The following ZFAND3 variants were observed in gnomAD, a reference collection of about 807,000 sequenced individuals.
ZFAND3 encodes zinc finger AN1-type containing 3.
Under a neutral mutation model 29.6 loss-of-function variants are expected in ZFAND3, and 10 were observed. The ratio of observed to expected loss-of-function variants is 0.34; its 90% confidence interval spans 0.21 to 0.57. ZFAND3 has a LOEUF of 0.57. Ranked by LOEUF, ZFAND3 falls within the 20% of genes least tolerant of loss-of-function variation. The probability of loss-of-function intolerance (pLI) is 0.86; values close to 1 mark genes in which losing one functional copy is unlikely to be tolerated. For missense variants in ZFAND3, 230 were observed against 304.5 expected (o/e 0.76, Z 1.82); for synonymous variants, 128 against 112.6 (o/e 1.14, Z -0.87).
chr6:37,893,187 C>A (rs6918802), intron 1 of ZFAND3, among the ~76,000 whole-genome samples: 19,788 of 152,070 alleles, frequency 0.13, 2,096 homozygotes, highest in African/African-American at 0.3. Flanking sequence ...ATGCCAAAAT[C>A]CTTAACAAAA....
intron 3 of ZFAND3, among the ~76,000 whole-genome samples, chr6:38,081,171 T>A (rs74668997): frequency 1.3e-5 from 2 of 152,102 alleles, no homozygotes; most frequent in East Asian, 1.9e-4. Flanking sequence ...TTTTTTTTTT[T>A]AAAGAAAGAT....
At chr6:38,085,081 G>C (rs1332620342) in intron 4 of ZFAND3, among the ~76,000 whole-genome samples, 1 of 152,128 alleles carries the variant, frequency 6.6e-6, no homozygotes, top group African/African-American at 2.4e-5. Flanking sequence ...GGTTGCCCAT[G>C]GTGGGGATTT....
At chr6:37,950,071 C>T (rs993780692) in intron 2 of ZFAND3, among the ~76,000 whole-genome samples, 2 of 152,180 alleles carry the variant, frequency 1.3e-5, no homozygotes, top group East Asian at 1.9e-4. Flanking sequence ...TTCTCCCATT[C>T]TGTAGGTTGT....
chr6:37,958,224 TGGGCAGA>T, intron 2 of ZFAND3, among the ~76,000 whole-genome samples: 1 of 152,272 alleles, frequency 6.6e-6, no homozygotes, highest in South Asian at 2.1e-4. Flanking sequence ...GAGACCAAGG[TGGGCAGA>T]TCACCTGAGG....
intron 5 of ZFAND3, among the ~76,000 whole-genome samples, chr6:38,144,217 TAATATATA>T (rs1562016140): frequency 4.1e-5 from 4 of 98,320 alleles, no homozygotes; most frequent in East Asian, 3.3e-4. Flanking sequence ...ATATAATATA[TAATATATA>T]TATATATTTT....
chr6:37,896,997 CATG>C (rs531083027), intron 1 of ZFAND3, among the ~76,000 whole-genome samples: 1 of 151,880 alleles, frequency 6.6e-6, no homozygotes, highest in Non-Finnish European at 1.5e-5. Flanking sequence ...AATTTATTAA[CATG>C]ATATTGTTGA....
intron 2 of ZFAND3, among the ~76,000 whole-genome samples, chr6:37,992,759 AG>A (rs2127436146): frequency 6.6e-6 from 1 of 152,298 alleles, no homozygotes; most frequent in South Asian, 2.1e-4. Flanking sequence ...ATTAGGTTTA[AG>A]TGTTTTATTA....
intron 1 of ZFAND3, among the ~76,000 whole-genome samples, chr6:37,878,201 G>C (rs1428757277): frequency 6.6e-6 from 1 of 152,230 alleles, no homozygotes; most frequent in Non-Finnish European, 1.5e-5. Flanking sequence ...TCTCCACACA[G>C]TCATTAGCTC....
chr6:38,078,257 G>T (rs1764591740), intron 3 of ZFAND3, among the ~76,000 whole-genome samples: 1 of 152,120 alleles, frequency 6.6e-6, no homozygotes, highest in South Asian at 2.1e-4. Flanking sequence ...TTTAATACAA[G>T]AATAGAAACA....
chr6:38,135,198 C>CT (rs1436529697), intron 5 of ZFAND3, among the ~76,000 whole-genome samples: 6 of 152,152 alleles, frequency 3.9e-5, no homozygotes, highest in African/African-American at 1.4e-4. Context: ...AGGTGACACT[C>CT]TTAACTGTTG....
chr6:38,144,184 AATAT>A lies in ZFAND3; in HGVS notation c.530-8027_530-8024del, dbSNP rs1554183921. ...CTAGAAAAATGTGATATATATATAT[AATAT>A]ATATATATATATATATATATATAAT... On this transcript the variant is annotated intron_variant, in intron 5 of 5. Coordinates refer to ENST00000287218, the MANE Select transcript of ZFAND3 (RefSeq NM_021943.3). Among the ~76,000 whole-genome samples the A allele has an allele frequency of 1.8e-3, 75 of 42,544 alleles. 4 individuals are homozygous for A. The highest frequency in any genetic ancestry group is 3.0e-3 in the South Asian group (6 of 1,994). The allele number at this position is 42,544 out of a possible 152,430, so 27.9% of individuals were successfully genotyped here. A position where few individuals can be genotyped will look rare whatever the true frequency, so the allele number is the denominator to read the frequency against.
chr6:37,833,434 C>T (rs979526625), intron 1 of ZFAND3, among the ~76,000 whole-genome samples: 2 of 152,054 alleles, frequency 1.3e-5, no homozygotes, highest in African/African-American at 4.8e-5. Context: ...AGATTACTTA[C>T]AATTTTTTTC....
At chr6:37,912,988 A>G (rs1765550006) in intron 1 of ZFAND3, among the ~76,000 whole-genome samples, 1 of 152,172 alleles carries the variant, frequency 6.6e-6, no homozygotes, top group Non-Finnish European at 1.5e-5. Flanking sequence ...GTATAATAGC[A>G]TTATGTCTAA....
intron 5 of ZFAND3, among the ~76,000 whole-genome samples, chr6:38,145,517 A>G (rs539725037): frequency 6.6e-6 from 1 of 151,756 alleles, no homozygotes; most frequent in African/African-American, 2.4e-5. Context: ...CTGTGTAGAC[A>G]GAGGTAAGCT....
intron 2 of ZFAND3, among the ~76,000 whole-genome samples, chr6:38,042,315 T>C (rs904539774): frequency 4.0e-4 from 2 of 5,010 alleles, no homozygotes; most frequent in Non-Finnish European, 2.6e-3. Context: ...TGAGCTTGCT[T>C]TTTTTTTTTT....
chr6:38,149,656 T>C (rs1300133099), intron 5 of ZFAND3, among the ~76,000 whole-genome samples: 6 of 152,114 alleles, frequency 3.9e-5, no homozygotes, highest in African/African-American at 1.4e-4. Flanking sequence ...TCCACCAAGC[T>C]GGCTGCTCAC....
chr6:37,974,391 T>A (rs1267910541), intron 2 of ZFAND3, among the ~76,000 whole-genome samples: 1 of 79,798 alleles, frequency 1.3e-5, no homozygotes, highest in Non-Finnish European at 2.4e-5. Flanking sequence ...ATACTCTCTC[T>A]CTCTCTCTCT....
chr6:37,960,793 A>G (rs541743717), intron 2 of ZFAND3, among the ~76,000 whole-genome samples: 1 of 152,116 alleles, frequency 6.6e-6, no homozygotes, highest in Admixed American at 6.5e-5. Flanking sequence ...TTGGGAAAAA[A>G]AATTGACTGG....
intron 1 of ZFAND3, among the ~76,000 whole-genome samples, chr6:37,928,592 C>T (rs1414873947): frequency 1.3e-5 from 2 of 152,144 alleles, no homozygotes; most frequent in African/African-American, 4.8e-5. Context: ...GTGATCTCAG[C>T]TCACTGCAAC....
Sources: allele counts gnomAD v4.1 joint callset (sites outside exome capture counted in the v4.1 genomes callset), GRCh38; gene constraint gnomAD v4.1.1; transcripts MANE v1.5; gene names NCBI Gene and HGNC (gene_info 2026-07-23, HGNC 2026-07-21).